The following CCDC171 variants were observed in gnomAD, a reference collection of about 807,000 sequenced individuals.
CCDC171 encodes the protein coiled-coil domain-containing protein 171.
A neutral mutation model predicts 168.2 loss-of-function variants in CCDC171; 177 were observed. That is an observed-to-expected ratio of 1.05 (90% CI 0.93 to 1.19). CCDC171 has a LOEUF of 1.19. Ranked by LOEUF, CCDC171 falls within the 50% of genes most tolerant of loss-of-function variation. The pLI is 0.00. For missense variants in CCDC171, 1,991 were observed against 1,539.0 expected, an observed-to-expected ratio of 1.29 and a Z score of -4.91; for synonymous variants, 687 against 540.8, an observed-to-expected ratio of 1.27 and a Z score of -3.75.
intron 9 of CCDC171, among the ~76,000 whole-genome samples, chr9:15,667,603 G>T (rs1312892299): frequency 6.6e-6 from 1 of 152,050 alleles, no homozygotes; most frequent in South Asian, 2.1e-4. Context: ...CTGAGATCGC[G>T]CCATTGCACT....
intron 25 of CCDC171, among the ~76,000 whole-genome samples, chr9:15,946,640 T>C (rs1428366675): frequency 1.3e-5 from 2 of 151,984 alleles, no homozygotes; most frequent in African/African-American, 2.4e-5. Flanking sequence ...AAGCTACCAA[T>C]GACTTTCTTC....
At chr9:15,985,189 C>A (rs918963436) in intron 3 of CCDC171, among the ~76,000 whole-genome samples, 1 of 152,092 alleles carries the variant, frequency 6.6e-6, no homozygotes, top group Non-Finnish European at 1.5e-5. Context: ...GGAAGGGAGG[C>A]TCCATAATTA....
chr9:15,935,478 G>C (rs969465913), intron 25 of CCDC171, among the ~76,000 whole-genome samples: 1 of 152,010 alleles, frequency 6.6e-6, no homozygotes, highest in African/African-American at 2.4e-5. Flanking sequence ...TTGAATCCAA[G>C]AGTCTAACTA....
intron 3 of CCDC171, among the ~76,000 whole-genome samples, chr9:16,003,662 T>G (rs1427385883): frequency 6.6e-6 from 1 of 152,218 alleles, no homozygotes; most frequent in Non-Finnish European, 1.5e-5. Flanking sequence ...TTCCGTGTCA[T>G]TATTTGACAA....
intron 6 of CCDC171, among the ~76,000 whole-genome samples, chr9:15,598,680 C>T (rs2042578975): frequency 6.6e-6 from 1 of 152,124 alleles, no homozygotes; most frequent in Non-Finnish European, 1.5e-5. Context: ...TGGTGCAGAG[C>T]TGAGTTCAAT....
intron 6 of CCDC171, among the ~76,000 whole-genome samples, chr9:15,605,701 A>G (rs1179278297): frequency 2.6e-5 from 4 of 151,782 alleles, no homozygotes; most frequent in African/African-American, 9.7e-5. Context: ...AAAAAAAGAA[A>G]AAAAAAAGTC....
chr9:15,590,771 CTCTTT>C, intron 4 of CCDC171, among the ~76,000 whole-genome samples: 1 of 122,612 alleles, frequency 8.2e-6, no homozygotes, highest in East Asian at 2.3e-4. Flanking sequence ...TTCTTTCTTT[CTCTTT>C]CTTTCTTTCT....
intron 18 of CCDC171, among the ~76,000 whole-genome samples, chr9:15,754,028 G>A (rs1461867085): frequency 6.6e-6 from 1 of 152,106 alleles, no homozygotes; most frequent in Non-Finnish European, 1.5e-5. Flanking sequence ...TTCATTTTAA[G>A]TTATATTTTT....
At chr9:15,640,946 G>C (rs115064580) in intron 7 of CCDC171, among the ~76,000 whole-genome samples, 3,031 of 151,992 alleles carry the variant, frequency 0.02, 105 homozygotes, top group African/African-American at 0.07. Context: ...TAAAGAATAA[G>C]TGTTATATTT....
chr9:15,559,342 C>T (rs935664395), intron 1 of CCDC171, among the ~76,000 whole-genome samples: 2 of 151,946 alleles, frequency 1.3e-5, no homozygotes, highest in African/African-American at 2.4e-5. Flanking sequence ...GTTTTAAAGT[C>T]TCCCATTATT....
At chr9:15,957,940 C>T (rs1829966578) in intron 25 of CCDC171, among the ~76,000 whole-genome samples, 1 of 152,104 alleles carries the variant, frequency 6.6e-6, no homozygotes, top group East Asian at 1.9e-4. Context: ...GGTAAGTTCC[C>T]TTCTGAAGCT....
At chr9:15,941,688 T>C (rs1827755833) in intron 25 of CCDC171, among the ~76,000 whole-genome samples, 1 of 151,954 alleles carries the variant, frequency 6.6e-6, no homozygotes, top group Admixed American at 6.6e-5. Flanking sequence ...CTACAATATA[T>C]AATTTGAAAG....
intron 23 of CCDC171, among the ~76,000 whole-genome samples, chr9:15,852,577 T>A (rs2061176689): frequency 6.6e-6 from 1 of 151,700 alleles, no homozygotes; most frequent in African/African-American, 2.4e-5. Context: ...GAACAGAAGT[T>A]TTAGAATTTG....
At chr9:15,648,965 G>C (rs545554359) in intron 7 of CCDC171, among the ~76,000 whole-genome samples, 1 of 152,188 alleles carries the variant, frequency 6.6e-6, no homozygotes, top group Admixed American at 6.5e-5. Context: ...AAAGAACAAA[G>C]CTAGAGGCAT....
At chr9:15,663,891 C>T (rs1169352747) in intron 8 of CCDC171, among the ~76,000 whole-genome samples, 1 of 152,142 alleles carries the variant, frequency 6.6e-6, no homozygotes, top group Non-Finnish European at 1.5e-5. Context: ...CATGCGTGAG[C>T]CACCGCGCCC....
chr9:15,840,483 G>C (rs1387909294), intron 21 of CCDC171, among the ~76,000 whole-genome samples: 1 of 152,084 alleles, frequency 6.6e-6, no homozygotes. Flanking sequence ...AAGAGCCCAT[G>C]TGTATTCTGT....
intron 25 of CCDC171, among the ~76,000 whole-genome samples, chr9:15,938,150 A>C (rs1241200261): frequency 6.6e-6 from 1 of 151,854 alleles, no homozygotes. Context: ...TTATTTCCTC[A>C]CCTTGCAGAT....
chr9:15,569,542 G>A (rs895318467), intron 2 of CCDC171, among the ~76,000 whole-genome samples: 3 of 152,072 alleles, frequency 2.0e-5, no homozygotes, highest in African/African-American at 4.8e-5. Context: ...TCGGCCGGGC[G>A]CGGTGGCTCG....
At chr9:15,807,757 C>T (rs528785050) in intron 21 of CCDC171, among the ~76,000 whole-genome samples, 10 of 151,812 alleles carry the variant, frequency 6.6e-5, no homozygotes, top group African/African-American at 1.7e-4. Flanking sequence ...ATTTCTTCCT[C>T]TCCAGAACTC....
Sources: allele counts gnomAD v4.1 joint callset (sites outside exome capture counted in the v4.1 genomes callset), GRCh38; gene constraint gnomAD v4.1.1; transcripts MANE v1.5; gene names NCBI Gene and HGNC (gene_info 2026-07-23, HGNC 2026-07-21).